The following CTNNA3 variants were observed in gnomAD, a reference collection of about 807,000 sequenced individuals.
The protein encoded by CTNNA3 is catenin alpha 3.
CTNNA3 carries 76 observed loss-of-function variants against 95.7 expected under a neutral mutation model. That is an observed-to-expected ratio of 0.79 (90% CI 0.66 to 0.96). The LOEUF is 0.96. Among genes scored for constraint, CTNNA3 ranks in the 40% least tolerant of loss-of-function variants. The pLI, the probability that CTNNA3 is intolerant of heterozygous loss-of-function variation, is 0.00. For missense variants in CTNNA3, 1,191 were observed against 1,089.8 expected, an observed-to-expected ratio of 1.09 and a Z score of -1.31; for synonymous variants, 431 against 374.4, an observed-to-expected ratio of 1.15 and a Z score of -1.74.
At chr10:67,654,189 T>G (rs1839956911) in intron 1 of CTNNA3, among the ~76,000 whole-genome samples, 1 of 152,206 alleles carries the variant, frequency 6.6e-6, no homozygotes, top group Admixed American at 6.5e-5. Context: ...CCAAGGATTC[T>G]AAAACCAATC....
chr10:66,056,096 A>G (rs890981844), intron 15 of CTNNA3, among the ~76,000 whole-genome samples: 1 of 151,966 alleles, frequency 6.6e-6, no homozygotes, highest in African/African-American at 2.4e-5. Flanking sequence ...TCCTTGTCTT[A>G]TTTCAGCTGT....
At chr10:66,569,644 G>A (rs761297000) in intron 10 of CTNNA3, among the ~76,000 whole-genome samples, 6 of 152,220 alleles carry the variant, frequency 3.9e-5, no homozygotes, top group Admixed American at 6.5e-5. Flanking sequence ...TTAGCATCCT[G>A]TTGGGTCCCA....
At chr10:67,603,029 G>A (rs545004571) in intron 3 of CTNNA3, among the ~76,000 whole-genome samples, 34 of 152,128 alleles carry the variant, frequency 2.2e-4, no homozygotes, top group Non-Finnish European at 4.4e-4. Context: ...TACCTGCCAC[G>A]CTCAATAAAT....
chr10:67,034,088 A>G (rs1382758017), intron 7 of CTNNA3, among the ~76,000 whole-genome samples: 1 of 152,136 alleles, frequency 6.6e-6, no homozygotes, highest in Non-Finnish European at 1.5e-5. Context: ...GCTTCTTAAA[A>G]GGAAAAATAA....
chr10:66,809,376 A>G (rs1000103630), intron 7 of CTNNA3, among the ~76,000 whole-genome samples: 2 of 152,162 alleles, frequency 1.3e-5, no homozygotes, highest in African/African-American at 4.8e-5. Context: ...CATTTTTACT[A>G]AAAGTATTCC....
chr10:67,548,106 C>G (rs192286445), intron 3 of CTNNA3, among the ~76,000 whole-genome samples: 2 of 152,208 alleles, frequency 1.3e-5, no homozygotes, highest in Admixed American at 1.3e-4. Flanking sequence ...TTATGAATGT[C>G]TTGGTGCTGT....
intron 5 of CTNNA3, among the ~76,000 whole-genome samples, chr10:67,345,470 G>C (rs1319753806): frequency 1.3e-5 from 2 of 151,988 alleles, no homozygotes; most frequent in Non-Finnish European, 2.9e-5. Context: ...TCTCTCTTTA[G>C]CTCTAATAAT....
intron 13 of CTNNA3, among the ~76,000 whole-genome samples, chr10:66,235,989 G>C (rs1051305011): frequency 6.6e-6 from 1 of 151,888 alleles, no homozygotes; most frequent in Non-Finnish European, 1.5e-5. Context: ...TCCCATTTTT[G>C]GTTTTGGAAA....
intron 1 of CTNNA3, among the ~76,000 whole-genome samples, chr10:67,717,037 C>T (rs1186280911): frequency 6.6e-6 from 1 of 152,186 alleles, no homozygotes; most frequent in Non-Finnish European, 1.5e-5. Context: ...GACGGTATCT[C>T]ATCATGGTTC....
chr10:66,235,996 G>A (rs1029697739), intron 13 of CTNNA3, among the ~76,000 whole-genome samples: 13 of 152,062 alleles, frequency 8.5e-5, no homozygotes, highest in Non-Finnish European at 1.2e-4. Context: ...TTTGGTTTTG[G>A]AAAATGAGGT....
At chr10:67,110,403 G>T (rs1320716490) in intron 7 of CTNNA3, among the ~76,000 whole-genome samples, 1 of 152,120 alleles carries the variant, frequency 6.6e-6, no homozygotes, top group East Asian at 1.9e-4. Context: ...GGGGCTCTGG[G>T]ATTGTTAAGA....
Position 65,954,943 on chromosome 10 carries a change from T to C in CTNNA3, c.2400+11669A>G, listed in dbSNP as rs563884588. On this transcript the variant is annotated intron_variant, in intron 17 of 17. Transcript: ENST00000433211. ...GTGAAGGAAGTCATTGGTATCTTGA[T>C]GCAGATGGCATTGAATCTATAAATT... Among the ~76,000 whole-genome samples the C allele has an allele frequency of 7.9e-5, 12 of 152,368 alleles. No homozygotes were observed. In the East Asian group the frequency reaches 2.1e-3, roughly 27 times the overall value.
intron 3 of CTNNA3, among the ~76,000 whole-genome samples, chr10:67,563,531 T>A (rs1282074601): frequency 6.6e-6 from 1 of 152,084 alleles, no homozygotes; most frequent in East Asian, 1.9e-4. Context: ...CCTAAAACCA[T>A]AAGAGCCCTA....
chr10:66,894,196 AT>A (rs1047250754), intron 7 of CTNNA3, among the ~76,000 whole-genome samples: 36 of 152,110 alleles, frequency 2.4e-4, no homozygotes, highest in African/African-American at 8.2e-4. Context: ...AATTTTTATA[AT>A]TAAAAAAAAG....
chr10:67,682,942 C>G (rs904995213), intron 1 of CTNNA3, among the ~76,000 whole-genome samples: 2 of 152,218 alleles, frequency 1.3e-5, no homozygotes, highest in African/African-American at 4.8e-5. Flanking sequence ...TGCTATGCAT[C>G]TGTCTTAACC....
chr10:66,791,122 TTC>T (rs1490857800), intron 7 of CTNNA3, among the ~76,000 whole-genome samples: 1 of 152,186 alleles, frequency 6.6e-6, no homozygotes, highest in East Asian at 1.9e-4. Flanking sequence ...CAATTAGAAT[TTC>T]TCTTTGTGTG....
intron 13 of CTNNA3, among the ~76,000 whole-genome samples, chr10:66,108,886 T>A (rs1450554983): frequency 6.6e-6 from 1 of 152,184 alleles, no homozygotes; most frequent in Non-Finnish European, 1.5e-5. Context: ...ATTGAATCAA[T>A]AATTCCTTGC....
intron 3 of CTNNA3, among the ~76,000 whole-genome samples, chr10:67,600,926 A>G (rs1300294390): frequency 6.6e-6 from 1 of 152,230 alleles, no homozygotes; most frequent in Non-Finnish European, 1.5e-5. Flanking sequence ...CAGACACAAA[A>G]TACAACATAC....
intron 9 of CTNNA3, among the ~76,000 whole-genome samples, chr10:66,640,730 A>G (rs1442721485): frequency 6.6e-6 from 1 of 152,138 alleles, no homozygotes; most frequent in Admixed American, 6.6e-5. Context: ...TTCCCCAGGG[A>G]AGAATTTTTC....
Sources: gnomAD v4.1 joint callset for allele counts (sites outside exome capture counted in the v4.1 genomes callset) on GRCh38, gnomAD v4.1.1 for gene constraint, MANE v1.5 for transcripts, NCBI Gene and HGNC (gene_info 2026-07-23, HGNC 2026-07-21) for gene names.